ZRANB2: variants seen among roughly 807,000 people sequenced by gnomAD.
The protein encoded by ZRANB2 is zinc finger RANBP2-type containing 2.
Under a neutral mutation model 53.4 loss-of-function variants are expected in ZRANB2, and 19 were observed. The observed-to-expected ratio is 0.36, with a 90% CI of 0.25 to 0.52. The LOEUF (loss-of-function observed/expected upper bound fraction) is 0.52. Among genes scored for constraint, ZRANB2 ranks in the 20% least tolerant of loss-of-function variants. The pLI is 0.93. For missense variants in ZRANB2, 309 were observed against 401.1 expected (o/e 0.77, Z 1.96); for synonymous variants, 145 against 134.8 (o/e 1.08, Z -0.52).
In ZRANB2 at chr1:71,065,151, T is replaced by TG; in HGVS notation, c.930-15dup. 6.2e-7 allele frequency: 1 copy of TG among 1,603,996 alleles called. No individual in the cohort carries two copies. Among genetic ancestry groups the TG allele is most frequent in the Non-Finnish European group, 8.5e-7 (1 of 1,172,068 alleles). On this transcript the variant is annotated splice_polypyrimidine_tract_variant and intron_variant, in intron 9 of 9. Transcript: ENST00000370920. ...GACCTGTGGCGTCTGTAAGACATAA[T>TG]GGAGAGAGTAGGCATTCTAGTAAGC...
At chr1:71,077,759 A>C (rs1384853561) in intron 3 of ZRANB2, among the ~76,000 whole-genome samples, 2 of 152,148 alleles carry the variant, frequency 1.3e-5, no homozygotes, top group African/African-American at 4.8e-5. Flanking sequence ...AGGAGGCTGA[A>C]GTGAGAGGAT....
chr1:71,075,817 G>T (rs1371631524), intron 4 of ZRANB2, among the ~76,000 whole-genome samples: 5 of 151,432 alleles, frequency 3.3e-5, no homozygotes, highest in Non-Finnish European at 4.4e-5. Context: ...GGATTTGAGG[G>T]TTGAAAGTGG....
At chr1:71,076,114 T>C (rs1015411206) in intron 4 of ZRANB2, among the ~76,000 whole-genome samples, 3 of 152,162 alleles carry the variant, frequency 2.0e-5, no homozygotes, top group African/African-American at 7.2e-5. Flanking sequence ...TCATGTGACA[T>C]ATAAGCAGTT....
At chr1:71,073,065 G>A (rs1478982139) in intron 4 of ZRANB2, among the ~76,000 whole-genome samples, 1 of 152,008 alleles carries the variant, frequency 6.6e-6, no homozygotes, top group Admixed American at 6.6e-5. Context: ...GCCATCCTTT[G>A]GCCCTGGTTT....
chr1:71,065,920 T>G, intron 9 of ZRANB2: 1 of 961,776 alleles, frequency 1.0e-6, no homozygotes, highest in Admixed American at 3.2e-5. Context: ...GAAACAAGAC[T>G]GTGTGAAATC....
chr1:71,065,975 C>A, intron 9 of ZRANB2: 1 of 515,750 alleles, frequency 1.9e-6, no homozygotes, highest in Non-Finnish European at 3.3e-6. Context: ...ACTAATCATT[C>A]TGTACAAGTA....
rs142903696 is a variant in ZRANB2, at chr1:71,066,947, A to T, written c.771-13T>A. 1 of 1,550,908 alleles carries T rather than the reference A, an allele frequency of 6.4e-7. No homozygotes were observed. Among genetic ancestry groups the T allele is most frequent in the East Asian group, 2.3e-5 (1 of 43,192 alleles). Reference sequence around the variant, plus strand: ...CCTGGAGCTGGATCTTCATTGATTGAGAAACAAATCAAACATTTCATTAAA... The same window carrying T: ...CCTGGAGCTGGATCTTCATTGATTGTGAAACAAATCAAACATTTCATTAAA... On this transcript the variant is annotated splice_polypyrimidine_tract_variant and intron_variant, in intron 8 of 9. Transcript: ENST00000370920.
intron 4 of ZRANB2, among the ~76,000 whole-genome samples, chr1:71,074,815 T>C (rs1044154128): frequency 1.3e-5 from 2 of 152,154 alleles, no homozygotes; most frequent in Non-Finnish European, 2.9e-5. Flanking sequence ...TCCTGTCTCA[T>C]GCTTAGGAAA....
intron 4 of ZRANB2, among the ~76,000 whole-genome samples, chr1:71,074,665 T>TTA (rs1553184446): frequency 2.7e-5 from 4 of 150,710 alleles, no homozygotes; most frequent in East Asian, 3.9e-4. Flanking sequence ...GTTTTTTTTT[T>TTA]AAAAAAAAGC....
chr1:71,074,387 G>A (rs1347702318), intron 4 of ZRANB2, among the ~76,000 whole-genome samples: 1 of 152,096 alleles, frequency 6.6e-6, no homozygotes, highest in East Asian at 1.9e-4. Flanking sequence ...ACAGTATAAT[G>A]TAAAAAGCTG....
chr1:71,073,694 A>C (rs1017415088), intron 4 of ZRANB2, among the ~76,000 whole-genome samples: 1 of 152,072 alleles, frequency 6.6e-6, no homozygotes, highest in African/African-American at 2.4e-5. Context: ...CTGAAAAGTA[A>C]TATGACAAAT....
In ZRANB2 at chr1:71,074,048, C is replaced by A. The variant is rs147554420; in HGVS notation, c.302-1500G>T. Among the ~76,000 whole-genome samples the A allele has an allele frequency of 1.6e-3, 239 of 152,204 alleles. 1 individual carries two copies. Among genetic ancestry groups the A allele is most frequent in the African/African-American group, 5.5e-3 (230 of 41,564 alleles). On this transcript the variant is annotated intron_variant, in intron 4 of 9. Coordinates refer to ENST00000370920, the MANE Select transcript of ZRANB2 (RefSeq NM_203350.3). ...TAAATTGGTTTTATTTCCACTCTTG[C>A]CGCCACCTCTCCTAATTACTTCTCC...
In ZRANB2 at chr1:71,079,275, C is replaced by T. The variant is rs555708400; in HGVS notation, c.57-567G>A. Among the ~76,000 whole-genome samples, 5 of 152,086 alleles carry T rather than the reference C, an allele frequency of 3.3e-5. No individual in the cohort carries two copies. The South Asian group carries it at 8.3e-4, about 25-fold the overall frequency. ...GGCATTTCTCAAACCTCTGAGACTT[C>T]GCTGAAAAAAATGACACAACCACCA... On this transcript the variant is annotated intron_variant, in intron 1 of 9. Coordinates refer to ENST00000370920, the MANE Select transcript of ZRANB2 (RefSeq NM_203350.3).
Position 71,075,117 on chromosome 1 carries a change from A to G in ZRANB2, c.301+1678T>C, listed in dbSNP as rs1195014329. Among the ~76,000 whole-genome samples the G allele has an allele frequency of 2.0e-5, 3 of 152,222 alleles. No homozygotes were observed. The East Asian group carries it at 5.8e-4, about 29-fold the overall frequency. On this transcript the variant is annotated intron_variant, in intron 4 of 9. Transcript: ENST00000370920. ...TTTTTAAGTTTTGAAACTGTTAAAAAGATTTTAGACTTTATCCTAAAAGCA... is the reference window on the plus strand; with the variant it reads ...TTTTTAAGTTTTGAAACTGTTAAAAGGATTTTAGACTTTATCCTAAAAGCA...
chr1:71,075,354 G>A (rs1435314484), intron 4 of ZRANB2, among the ~76,000 whole-genome samples: 1 of 152,156 alleles, frequency 6.6e-6, no homozygotes, highest in East Asian at 1.9e-4. Flanking sequence ...TGTATGGTGA[G>A]TGGTACTAAT....
At chr1:71,066,152 T>A (rs1661429174) in intron 9 of ZRANB2, 1 of 161,944 alleles carries the variant, frequency 6.2e-6, no homozygotes, top group African/African-American at 2.4e-5. Flanking sequence ...ACTGAGTAAT[T>A]AGCCTGTTGC....
chr1:71,074,728 A>G (rs1468922337), intron 4 of ZRANB2, among the ~76,000 whole-genome samples: 1 of 135,184 alleles, frequency 7.4e-6, no homozygotes, highest in Non-Finnish European at 1.6e-5. Context: ...AAATTACTGA[A>G]CAATTTGATG....
chr1:71,079,967 C>T (rs1164673717), intron 1 of ZRANB2, among the ~76,000 whole-genome samples: 1 of 152,136 alleles, frequency 6.6e-6, no homozygotes, highest in African/African-American at 2.4e-5. Flanking sequence ...ACTGTTTACA[C>T]ACCCTATCCA....
chr1:71,066,666 A>T, intron 9 of ZRANB2, 110 bp downstream of exon 9: 2 of 1,162,602 alleles, frequency 1.7e-6, no homozygotes, highest in Non-Finnish European at 2.4e-6. Context: ...TGAAAAGTAG[A>T]AAGTCGGAAC....
Sources: gnomAD v4.1 joint callset for allele counts (sites outside exome capture counted in the v4.1 genomes callset) on GRCh38, gnomAD v4.1.1 for gene constraint, MANE v1.5 for transcripts, NCBI Gene and HGNC (gene_info 2026-07-23, HGNC 2026-07-21) for gene names.